MSRB3: variants seen among roughly 807,000 people sequenced by gnomAD.
MSRB3 encodes the protein methionine sulfoxide reductase B3.
Under a neutral mutation model 21.0 loss-of-function variants are expected in MSRB3, and 13 were observed. That is an observed-to-expected ratio of 0.62 (90% confidence interval 0.40 to 0.98). The LOEUF is 0.98. MSRB3 is among the 50% of genes least tolerant of loss of function. MSRB3 has a pLI of 0.00. For missense variants in MSRB3, 199 were observed against 230.3 expected (o/e 0.86, Z 0.88); for synonymous variants, 87 against 88.6 (o/e 0.98, Z 0.10).
chr12:65,342,685 C>T (rs1456496765), intron 4 of MSRB3, among the ~76,000 whole-genome samples: 8 of 151,994 alleles, frequency 5.3e-5, no homozygotes, highest in Admixed American at 5.2e-4. Context: ...TGTTCTTAAT[C>T]ATTCTTCTTA....
chr12:65,445,383 C>T (rs764167606), intron 5 of MSRB3, among the ~76,000 whole-genome samples: 1 of 150,094 alleles, frequency 6.7e-6, no homozygotes, highest in Non-Finnish European at 1.5e-5. Context: ...TACTAGGCTG[C>T]TTAAAAGCCT....
At chr12:65,361,815 A>G (rs1249735502) in intron 4 of MSRB3, among the ~76,000 whole-genome samples, 1 of 152,126 alleles carries the variant, frequency 6.6e-6, no homozygotes, top group African/African-American at 2.4e-5. Flanking sequence ...TAATTGTATC[A>G]TGTTTTCAAA....
intron 2 of MSRB3, among the ~76,000 whole-genome samples, chr12:65,311,619 G>A (rs1873991485): frequency 6.6e-6 from 1 of 151,996 alleles, no homozygotes; most frequent in Non-Finnish European, 1.5e-5. Context: ...GAAGAGAAGA[G>A]GCCAAAATTG....
At chr12:65,438,891 T>A (rs1173857565) in intron 5 of MSRB3, among the ~76,000 whole-genome samples, 1 of 151,654 alleles carries the variant, frequency 6.6e-6, no homozygotes, top group Non-Finnish European at 1.5e-5. Context: ...TTCATCTGAA[T>A]AGCAGAAAAA....
intron 5 of MSRB3, among the ~76,000 whole-genome samples, chr12:65,425,009 T>C (rs1881508028): frequency 6.7e-6 from 1 of 150,236 alleles, no homozygotes; most frequent in Non-Finnish European, 1.5e-5. Context: ...TTGCTATATA[T>C]ATATATTTAG....
intron 2 of MSRB3, among the ~76,000 whole-genome samples, chr12:65,322,886 A>G (rs1874777455): frequency 6.6e-6 from 1 of 152,168 alleles, no homozygotes; most frequent in Admixed American, 6.5e-5. Context: ...GTGCCTAGAC[A>G]TGTGCCTGGC....
chr12:65,407,722 A>G (rs533173994), intron 5 of MSRB3, among the ~76,000 whole-genome samples: 2 of 152,108 alleles, frequency 1.3e-5, no homozygotes, highest in East Asian at 1.9e-4. Flanking sequence ...CAGTTCTTAG[A>G]TATTCTGTTC....
intron 5 of MSRB3, among the ~76,000 whole-genome samples, chr12:65,439,729 AT>A (rs1882286555): frequency 6.6e-6 from 1 of 151,724 alleles, no homozygotes; most frequent in Admixed American, 6.6e-5. Context: ...AAAAAGAACA[AT>A]AAAAATGCTA....
intron 5 of MSRB3, among the ~76,000 whole-genome samples, chr12:65,395,627 C>A (rs1365835229): frequency 6.6e-6 from 1 of 151,944 alleles, no homozygotes; most frequent in Non-Finnish European, 1.5e-5. Context: ...ACCAGTGAAC[C>A]CATATAGGGC....
intron 1 of MSRB3, chr12:65,306,801 G>T (rs1463938848): frequency 1.0e-6 from 1 of 953,144 alleles, no homozygotes; most frequent in African/African-American, 1.8e-5. Flanking sequence ...GAGGGCTCCC[G>T]GTATTTGTGG....
chr12:65,422,388 GTATATATATATATATATATATATA>G (rs59746471), intron 5 of MSRB3, among the ~76,000 whole-genome samples: 10 of 92,502 alleles, frequency 1.1e-4, no homozygotes, highest in Admixed American at 4.0e-4. Flanking sequence ...GGAGTACATA[GTATATATATATATATATATATATA>G]TATATATATA....
At chr12:65,296,961 G>T (rs1356939671) in intron 1 of MSRB3, among the ~76,000 whole-genome samples, 1 of 152,160 alleles carries the variant, frequency 6.6e-6, no homozygotes, top group African/African-American at 2.4e-5. Flanking sequence ...TAAATGATTT[G>T]TAAATAATAT....
At chr12:65,457,901 A>G (rs1030585211) in intron 6 of MSRB3, among the ~76,000 whole-genome samples, 1 of 152,008 alleles carries the variant, frequency 6.6e-6, no homozygotes, top group Admixed American at 6.6e-5. Flanking sequence ...ATAATGTGGG[A>G]AACTATTCTG....
intron 6 of MSRB3, among the ~76,000 whole-genome samples, chr12:65,456,202 G>C (rs1479572876): frequency 2.6e-5 from 4 of 152,044 alleles, no homozygotes; most frequent in African/African-American, 9.7e-5. Flanking sequence ...TCTTTTTCAA[G>C]CTACAAATGC....
At chr12:65,319,890 G>A (rs1322260014) in intron 2 of MSRB3, among the ~76,000 whole-genome samples, 1 of 152,168 alleles carries the variant, frequency 6.6e-6, no homozygotes, top group Non-Finnish European at 1.5e-5. Flanking sequence ...ATCAGGATGT[G>A]TAGCCTTGGA....
intron 4 of MSRB3, among the ~76,000 whole-genome samples, chr12:65,354,517 C>T (rs76927603): frequency 2.0e-5 from 3 of 151,956 alleles, no homozygotes; most frequent in African/African-American, 2.4e-5. Context: ...TTGATCGAAT[C>T]GGCTACTGAG....
At position 65,345,185 on chromosome 12, in the gene MSRB3, G is replaced by C. The variant is rs147409799; in HGVS notation, c.263+16582G>C. ...TGAATTCAGTTTTGGAAGCCTGATA[G>C]ATTTGAGATTTTAACATAAAATTTC... is the stretch of plus-strand genomic sequence containing the variant. On this transcript the variant is annotated intron_variant, in intron 4 of 6. Transcript: ENST00000308259. 9.2e-5 allele frequency among the ~76,000 whole-genome samples: 14 copies of C among 152,176 alleles called. No homozygotes were observed. In the East Asian group the frequency reaches 2.7e-3, roughly 29 times the overall value.
chr12:65,451,184 C>T (rs1369772917), intron 5 of MSRB3, among the ~76,000 whole-genome samples: 1 of 152,134 alleles, frequency 6.6e-6, no homozygotes, highest in African/African-American at 2.4e-5. Context: ...TTGAATATTC[C>T]ATTTTGAAAA....
At chr12:65,417,318 A>G (rs1370700414) in intron 5 of MSRB3, among the ~76,000 whole-genome samples, 2 of 152,184 alleles carry the variant, frequency 1.3e-5, no homozygotes, top group Non-Finnish European at 2.9e-5. Flanking sequence ...CTGTGTTAAT[A>G]AGAAGATAAT....
Sources: gnomAD v4.1 joint callset for allele counts (sites outside exome capture counted in the v4.1 genomes callset) on GRCh38, gnomAD v4.1.1 for gene constraint, MANE v1.5 for transcripts, NCBI Gene and HGNC (gene_info 2026-07-23, HGNC 2026-07-21) for gene names.